SP2: variants seen among roughly 807,000 people sequenced by gnomAD.
SP2 encodes the protein transcription factor Sp2.
In SP2, 9 loss-of-function variants were observed where a neutral mutation model predicts 50.1. That is an observed-to-expected ratio of 0.18 (90% CI 0.11 to 0.31). The LOEUF (loss-of-function observed/expected upper bound fraction) is 0.31, where lower values mean the gene tolerates loss of function less well. SP2 is among the 10% of genes least tolerant of loss of function. The pLI is 1.00. For missense variants in SP2, 581 were observed against 806.5 expected, an observed-to-expected ratio of 0.72 and a Z score of 3.39; for synonymous variants, 313 against 326.6, an observed-to-expected ratio of 0.96 and a Z score of 0.45.
At position 47,928,098 on chromosome 17, in the gene SP2, G is replaced by A. The variant is rs187872777; in HGVS notation, c.*274G>A. ...AATGAGACGTTCTAAACCAGGACGC[G>A]TGGGAACCCTTATTTCCAAAGGAAA... is the stretch of plus-strand genomic sequence containing the variant. On this transcript the variant is annotated 3_prime_UTR_variant, in exon 7 of 7. Coordinates refer to ENST00000376741, the MANE Select transcript of SP2 (RefSeq NM_003110.6). 4.4e-3 allele frequency: 1,664 copies of A among 379,864 alleles called. 58 individuals are homozygous for A. The Admixed American group carries it at 0.064, about 15-fold the overall frequency. The allele number at this position is 379,864 out of a possible 1,614,324, so 23.5% of individuals were successfully genotyped here.
intron 1 of SP2, among the ~76,000 whole-genome samples, chr17:47,912,554 C>G (rs1567694587): frequency 1.3e-5 from 2 of 151,802 alleles, no homozygotes; most frequent in African/African-American, 2.4e-5. Flanking sequence ...AAGCGATCCT[C>G]CCACCTCAGC....
intron 1 of SP2, among the ~76,000 whole-genome samples, chr17:47,901,671 C>T (rs1405691846): frequency 6.6e-6 from 1 of 152,166 alleles, no homozygotes; most frequent in Non-Finnish European, 1.5e-5. Context: ...CTGGACTGCA[C>T]TGGCCCACAT....
intron 5 of SP2, 65 bp from the exon 6 acceptor site, chr17:47,925,256 ACATCCTCACTGCATCCTGTTCCTGCCC>A: frequency 1.4e-6 from 2 of 1,423,980 alleles, no homozygotes; most frequent in Non-Finnish European, 1.9e-6. Context: ...ACCTGACCCC[ACATCCTCACTGCATCCTGTTCCTGCCC>A]CATCCTCTAC....
chr17:47,897,980 T>C, intron 1 of SP2: 1 of 604,382 alleles, frequency 1.7e-6, no homozygotes, highest in Non-Finnish European at 2.1e-6. Context: ...GCTTAACCTC[T>C]TTGGTTAAAA....
chr17:47,902,473 C>G (rs551436064), intron 1 of SP2, among the ~76,000 whole-genome samples: 2 of 152,258 alleles, frequency 1.3e-5, no homozygotes, highest in Admixed American at 1.3e-4. Flanking sequence ...GTCAGAAGCA[C>G]AGCTAGGAGG....
rs1294409299 is a variant in SP2 at position 47,915,339 on chromosome 17, C to T, written c.35C>T (p.Ala12Val). 4 of 1,613,250 alleles carry T rather than the reference C, an allele frequency of 2.5e-6. No homozygotes were observed. The highest frequency in any genetic ancestry group is 3.3e-5 in the Admixed American group (2 of 59,970). ...CCACAGACCAGCATGGCTGCCACTG[C>T]TGCTGTGAGTCCCAGTGACTACCTG... Reference protein sequence around the residue: ...SDPQTSMAATAAVSPSDYLQP... With the variant: ...SDPQTSMAATVAVSPSDYLQP... Residue 12 changes from alanine to valine, a missense_variant, in exon 2 of 7, where the codon GCT (alanine) becomes GTT (valine). Ala to Val is a moderately conservative substitution (Grantham distance 64). Transcript: ENST00000376741.
chr17:47,927,785 C>A lies in SP2; in HGVS notation c.1803C>A (p.Thr601=). The A allele has an allele frequency of 6.3e-7, 1 of 1,598,532 alleles. No individual in the cohort carries two copies. Among genetic ancestry groups the A allele is most frequent in the Admixed American group, 1.7e-5 (1 of 57,678 alleles). The change falls in exon 7 of 7, where the codon ACC becomes ACA. Residue 601 remains threonine, a synonymous_variant. Transcript: ENST00000376741. ...GCTTCATGAGGAGTGACCACCTCAC[C>A]AAGCATTACAAGACCCACCTGGTCA... The part of the protein sequence containing the change: ...QKRFMRSDHL[T]KHYKTHLVTK...
Position 47,928,848 on chromosome 17 carries a change from A to G in SP2, c.*1024A>G, listed in dbSNP as rs192943368. 2.6e-5 allele frequency: 4 copies of G among 152,784 alleles called. No homozygotes were observed. The highest frequency in any genetic ancestry group is 2.6e-4 in the Admixed American group (4 of 15,306). The allele number at this position is 152,784 out of a possible 1,614,324, so 9.5% of individuals were successfully genotyped here. ...TAACTGCTTGAGGTATGTTTTATGA[A>G]TTAAGTGACAGATTTGTTATCCTTT... On this transcript the variant is annotated 3_prime_UTR_variant, in exon 7 of 7. Coordinates refer to ENST00000376741, the MANE Select transcript of SP2 (RefSeq NM_003110.6).
At chr17:47,896,319 G>A (rs117197317) in intron 1 of SP2, 26 bp downstream of exon 1, 4 of 1,236,476 alleles carry the variant, frequency 3.2e-6, no homozygotes, top group Non-Finnish European at 4.0e-6. Context: ...TGCCGGCGGG[G>A]TCTTCCCGGC....
Position 47,923,038 on chromosome 17 carries a change from C to T in SP2, c.1136C>T (p.Thr379Ile). 6.2e-7 allele frequency: 1 copy of T among 1,614,194 alleles called. No individual in the cohort carries two copies. The highest frequency in any genetic ancestry group is 1.1e-5 in the South Asian group (1 of 91,084). ...QDSPPATAAA[T>I]SNTTCSSPAS... is the part of the protein sequence containing the mutation. ...AGCCCCCCAGCAACAGCTGCAGCCA[C>T]CTCTAACACCACCTGTAGCAGCCCT... Residue 379 changes from threonine to isoleucine, a missense_variant, in exon 4 of 7, where the codon ACC (threonine) becomes ATC (isoleucine). Thr to Ile is a moderately conservative substitution (Grantham distance 89). Around this residue, in one of 2 missense-constraint regions of SP2, gnomAD observed 397 missense variants for 491.0 expected, o/e 0.81. Coordinates refer to ENST00000376741, the MANE Select transcript of SP2 (RefSeq NM_003110.6).
chr17:47,915,792 C>T (rs2035176347), intron 2 of SP2, among the ~76,000 whole-genome samples: 1 of 152,146 alleles, frequency 6.6e-6, no homozygotes, highest in Non-Finnish European at 1.5e-5. Context: ...CAATCAGGGA[C>T]CCCTCAGTCC....
At chr17:47,915,913 G>C (rs2035182597) in intron 2 of SP2, among the ~76,000 whole-genome samples, 1 of 152,148 alleles carries the variant, frequency 6.6e-6, no homozygotes, top group Admixed American at 6.5e-5. Context: ...TACCCTGTCT[G>C]TGGGGTGCTG....
At chr17:47,931,355 G>GA (rs985065421), downstream of SP2, among the ~76,000 whole-genome samples, 9 of 151,752 alleles carry the variant, frequency 5.9e-5, no homozygotes, top group South Asian at 4.2e-4. Context: ...TCAAAAAAAA[G>GA]AAAAAAAATC....
intron 1 of SP2, among the ~76,000 whole-genome samples, chr17:47,896,893 C>T (rs1164027599): frequency 6.6e-6 from 1 of 152,234 alleles, no homozygotes; most frequent in Admixed American, 6.5e-5. Flanking sequence ...GACACGAGAG[C>T]ACTCCCTGGG....
At chr17:47,919,825 C>T (rs1176739317) in intron 3 of SP2, among the ~76,000 whole-genome samples, 3 of 94,800 alleles carry the variant, frequency 3.2e-5, no homozygotes, top group East Asian at 4.2e-4. Context: ...TTTGTCATTC[C>T]TTTTTTTTTT....
chr17:47,919,825 C>CTTTTTTTTTTTTTTTTTTTTTTTTTTTT (rs141856390), intron 3 of SP2, among the ~76,000 whole-genome samples: 2 of 94,800 alleles, frequency 2.1e-5, no homozygotes, highest in Admixed American at 1.4e-4. Flanking sequence ...TTTGTCATTC[C>CTTTTTTTTTTTTTTTTTTTTTTTTTTTT]TTTTTTTTTT....
chr17:47,918,942 G>A (rs2035322845), intron 3 of SP2, among the ~76,000 whole-genome samples: 1 of 152,038 alleles, frequency 6.6e-6, no homozygotes, highest in South Asian at 2.1e-4. Context: ...GCCCCGCAAA[G>A]CTAAAATATT....
rs200564346 is a variant in SP2, at chr17:47,928,435, C to G, written c.*611C>G. 1 of 152,842 alleles carries G rather than the reference C, an allele frequency of 6.5e-6. No homozygotes were observed. Among genetic ancestry groups the G allele is most frequent in the African/African-American group, 2.4e-5 (1 of 41,252 alleles). The allele number at this position is 152,842 out of a possible 1,614,324, so 9.5% of individuals were successfully genotyped here. A position where few individuals can be genotyped will look rare whatever the true frequency, so the allele number is the denominator to read the frequency against. ...GAGAACGTTGCCTTATACTCTACTT[C>G]AGATGATGAACACTGTGTACTGTGT... is the stretch of plus-strand genomic sequence containing the variant. On this transcript the variant is annotated 3_prime_UTR_variant, in exon 7 of 7. Transcript: ENST00000376741.
intron 3 of SP2, 112 bp downstream of exon 3, chr17:47,917,242 A>G (rs2035249239): frequency 2.5e-6 from 3 of 1,180,218 alleles, no homozygotes; most frequent in African/African-American, 3.1e-5. Flanking sequence ...GAGAGTCAGT[A>G]TCTTTTGGGG....
Sources: gnomAD v4.1 joint callset for allele counts (sites outside exome capture counted in the v4.1 genomes callset) on GRCh38, gnomAD v4.1.1 for gene constraint, gnomAD v4.1.1 regional missense constraint, MANE v1.5 for transcripts, NCBI Gene and HGNC (gene_info 2026-07-23, HGNC 2026-07-21) for gene names.